ARMC2: variants seen among roughly 807,000 people sequenced by gnomAD.
ARMC2 encodes armadillo repeat-containing protein 2.
ARMC2 carries 67 observed loss-of-function variants against 90.3 expected under a neutral mutation model. The observed-to-expected ratio is 0.74, with a 90% CI of 0.61 to 0.91. The LOEUF is 0.91. Among genes scored for constraint, ARMC2 ranks in the 40% least tolerant of loss-of-function variants. ARMC2 has a pLI of 0.00. For missense variants in ARMC2, 920 were observed against 1,030.9 expected, an observed-to-expected ratio of 0.89 and a Z score of 1.47; for synonymous variants, 393 against 393.0, an observed-to-expected ratio of 1.00 and a Z score of 0.00.
the ARMC2 span, among the ~76,000 whole-genome samples, chr6:109,018,017 A>G: frequency 1.5e-4 from 23 of 152,316 alleles, no homozygotes; most frequent in South Asian, 4.6e-3. Context: ...ATAGAACAAT[A>G]ATAAGAAGAA....
chr6:108,939,754 T>C (rs1776283373), intron 12 of ARMC2, among the ~76,000 whole-genome samples: 1 of 152,254 alleles, frequency 6.6e-6, no homozygotes. Flanking sequence ...TTGTAAACCA[T>C]GTACAGTAAC....
chr6:108,961,052 G>T (rs543611272), intron 13 of ARMC2, among the ~76,000 whole-genome samples: 1 of 152,340 alleles, frequency 6.6e-6, no homozygotes, highest in South Asian at 2.1e-4. Context: ...TGGAAGAAGA[G>T]AAGCCAGCAA....
At chr6:109,043,756 G>A in the ARMC2 span, among the ~76,000 whole-genome samples, 3 of 152,298 alleles carry the variant, frequency 2.0e-5, no homozygotes, top group African/African-American at 7.2e-5. Flanking sequence ...CTCAATACTA[G>A]TAAGGTGTCC....
chr6:109,009,364 C>G, the ARMC2 span: 2 of 1,469,998 alleles, frequency 1.4e-6, no homozygotes, highest in Non-Finnish European at 1.8e-6. Flanking sequence ...GGTACCTCGT[C>G]CTGGTCGCGG....
intron 10 of ARMC2, 126 bp from the exon 11 acceptor site, chr6:108,927,962 T>C: frequency 2.2e-6 from 2 of 912,898 alleles, no homozygotes; most frequent in South Asian, 2.7e-5. Context: ...TGGTGGGAGA[T>C]GCATAGCGGG....
In ARMC2 at chr6:108,960,212, G is replaced by A. The variant is rs554972107; in HGVS notation, c.1916-1360G>A. Among the ~76,000 whole-genome samples the A allele has an allele frequency of 8.5e-5, 13 of 152,230 alleles. No homozygotes were observed. In the South Asian group the frequency reaches 2.3e-3, roughly 27 times the overall value. On this transcript the variant is annotated intron_variant, in intron 13 of 17. Transcript: ENST00000392644. Reference sequence around the variant, plus strand: ...ATCTACCCAATTATGTGCACCGGCGGGGGACACCCCGGGTGATTCCTCTCC... The same window carrying A: ...ATCTACCCAATTATGTGCACCGGCGAGGGACACCCCGGGTGATTCCTCTCC...
At chr6:109,048,975 A>G in the ARMC2 span, among the ~76,000 whole-genome samples, 1 of 152,330 alleles carries the variant, frequency 6.6e-6, no homozygotes, top group East Asian at 1.9e-4. Context: ...AAGTCTCTCT[A>G]GGACTTAGTG....
chr6:108,972,907 A>G (rs1450192399), intron 17 of ARMC2, among the ~76,000 whole-genome samples: 1 of 151,882 alleles, frequency 6.6e-6, no homozygotes, highest in Non-Finnish European at 1.5e-5. Context: ...GGCTCAAGCA[A>G]TTCTCCTACC....
chr6:108,931,598 T>C (rs1775566750), intron 11 of ARMC2, among the ~76,000 whole-genome samples: 1 of 151,990 alleles, frequency 6.6e-6, no homozygotes, highest in Admixed American at 6.5e-5. Flanking sequence ...ATTTTTTGAC[T>C]TTTTAATAAT....
intron 5 of ARMC2, among the ~76,000 whole-genome samples, chr6:108,879,191 C>T (rs978482822): frequency 1.3e-5 from 2 of 150,146 alleles, no homozygotes; most frequent in Non-Finnish European, 3.0e-5. Flanking sequence ...CACCTATCCA[C>T]CTATCCATCT....
At chr6:109,011,885 T>C in the ARMC2 span, among the ~76,000 whole-genome samples, 1 of 152,140 alleles carries the variant, frequency 6.6e-6, no homozygotes, top group Admixed American at 6.5e-5. Flanking sequence ...CGCCTTTGCC[T>C]CCCAAAGTGC....
intron 12 of ARMC2, among the ~76,000 whole-genome samples, chr6:108,944,578 A>G (rs1053068951): frequency 3.3e-5 from 5 of 152,178 alleles, no homozygotes; most frequent in Non-Finnish European, 7.3e-5. Flanking sequence ...TTGCTGATTC[A>G]TTTGTTAGTG....
chr6:108,888,238 G>A lies in ARMC2; in HGVS notation c.672-6229G>A, dbSNP rs115927284. The stretch of plus-strand genomic sequence containing the variant: ...GGAGTTTGCTGATGACATCAGTGAT[G>A]ACCACAGCCATAATAGTAAACATGT... On this transcript the variant is annotated intron_variant, in intron 5 of 17. Coordinates refer to ENST00000392644, the MANE Select transcript of ARMC2 (RefSeq NM_032131.6). Among the ~76,000 whole-genome samples, 638 of 152,300 alleles carry A rather than the reference G, an allele frequency of 4.2e-3. 3 individuals carry two copies. The highest frequency in any genetic ancestry group is 0.014 in the African/African-American group (598 of 41,558).
intron 7 of ARMC2, among the ~76,000 whole-genome samples, chr6:108,903,369 G>A (rs1772349207): frequency 6.6e-6 from 1 of 152,006 alleles, no homozygotes; most frequent in Admixed American, 6.6e-5. Flanking sequence ...GCCTCCCAAA[G>A]TGCTGGATTT....
chr6:109,040,865 G>A, the ARMC2 span, among the ~76,000 whole-genome samples: 2 of 151,806 alleles, frequency 1.3e-5, no homozygotes, highest in African/African-American at 4.8e-5. Context: ...TGTTAGCCAG[G>A]ATGGTCTCAA....
At chr6:108,976,874 A>T (rs1304635418), downstream of ARMC2, among the ~76,000 whole-genome samples, 1 of 152,164 alleles carries the variant, frequency 6.6e-6, no homozygotes, top group Non-Finnish European at 1.5e-5. Context: ...CTTTGCTGAA[A>T]TTGCTCATCA....
At chr6:108,960,157 T>G (rs950727077) in intron 13 of ARMC2, among the ~76,000 whole-genome samples, 2 of 152,208 alleles carry the variant, frequency 1.3e-5, no homozygotes, top group African/African-American at 4.8e-5. Context: ...GCCCTCTTCC[T>G]GTGCCCTTAT....
chr6:109,002,789 T>C, the ARMC2 span, among the ~76,000 whole-genome samples: 4 of 152,218 alleles, frequency 2.6e-5, no homozygotes, highest in African/African-American at 9.6e-5. Context: ...TATTATTACA[T>C]CTAAAACAAC....
At chr6:109,026,313 TG>T in the ARMC2 span, among the ~76,000 whole-genome samples, 1 of 152,108 alleles carries the variant, frequency 6.6e-6, no homozygotes, top group Non-Finnish European at 1.5e-5. Flanking sequence ...GAAGGAAGTG[TG>T]AAAAAGACCA....
Sources: gnomAD v4.1 joint callset for allele counts (sites outside exome capture counted in the v4.1 genomes callset) on GRCh38, gnomAD v4.1.1 for gene constraint, MANE v1.5 for transcripts, NCBI Gene and HGNC (gene_info 2026-07-23, HGNC 2026-07-21) for gene names.